Variants in ZNF521 observed in about 807,000 individuals in gnomAD.
ZNF521 encodes the protein LYST-interacting protein 3.
A neutral mutation model predicts 105.5 loss-of-function variants in ZNF521; 14 were observed. That is an observed-to-expected ratio of 0.13 (90% CI 0.09 to 0.21). ZNF521 has a LOEUF of 0.21. ZNF521 is among the 10% of genes least tolerant of loss of function. The pLI, the probability that ZNF521 is intolerant of heterozygous loss-of-function variation, is 1.00. For missense variants in ZNF521, 1,233 were observed against 1,629.7 expected, an observed-to-expected ratio of 0.76 and a Z score of 4.19; for synonymous variants, 635 against 606.0, an observed-to-expected ratio of 1.05 and a Z score of -0.70.
intron 3 of ZNF521, among the ~76,000 whole-genome samples, chr18:25,253,320 A>G (rs1356675001): frequency 6.6e-6 from 1 of 152,130 alleles, no homozygotes; most frequent in Non-Finnish European, 1.5e-5. Context: ...TGAAGTACAA[A>G]TCACTACGGT....
intron 2 of ZNF521, among the ~76,000 whole-genome samples, chr18:25,324,283 C>A (rs1913087934): frequency 6.6e-6 from 1 of 151,722 alleles, no homozygotes; most frequent in Non-Finnish European, 1.5e-5. Context: ...AGGAACAGAC[C>A]AGTTACCTGT....
At chr18:25,171,718 A>G (rs533500946) in intron 5 of ZNF521, among the ~76,000 whole-genome samples, 1 of 152,146 alleles carries the variant, frequency 6.6e-6, no homozygotes, top group Non-Finnish European at 1.5e-5. Flanking sequence ...AAATGGGGCA[A>G]CATAAGGCTC....
intron 3 of ZNF521, among the ~76,000 whole-genome samples, chr18:25,240,823 C>A (rs1907270039): frequency 6.6e-6 from 1 of 151,902 alleles, no homozygotes; most frequent in Non-Finnish European, 1.5e-5. Context: ...GGAAGCTGGT[C>A]TAAAAGACAG....
intron 5 of ZNF521, among the ~76,000 whole-genome samples, chr18:25,113,755 CGG>C: frequency 8.1e-6 from 1 of 122,842 alleles, no homozygotes; most frequent in Non-Finnish European, 1.7e-5. Flanking sequence ...GACCGAAGGA[CGG>C]ACGGACACAC....
Position 25,225,713 on chromosome 18 carries a change from G to A in ZNF521, c.2205C>T (p.Val735=). 6.2e-7 allele frequency: 1 copy of A among 1,614,212 alleles called. No individual in the cohort carries two copies. Among genetic ancestry groups the A allele is most frequent in the Non-Finnish European group, 8.5e-7 (1 of 1,180,040 alleles). ...TLCQEVFDSK[V]SIQLHLAVKH... ...TCACAGCCAAGTGGAGCTGAATGGA[G>A]ACTTTTGAGTCAAAAACTTCCTGGC... is the stretch of plus-strand genomic sequence containing the variant. The change falls in exon 4 of 8, where the codon GTC becomes GTT. Residue 735 remains valine (V), a synonymous_variant. Transcript: ENST00000361524. This position sits in a 1 kb window ranked among gnomAD's most constrained non-coding sequence, Gnocchi z 5.6.
chr18:25,126,157 A>G (rs1411236202), intron 5 of ZNF521, among the ~76,000 whole-genome samples: 2 of 152,110 alleles, frequency 1.3e-5, no homozygotes, highest in African/African-American at 4.8e-5. Flanking sequence ...ACATGGTAAT[A>G]CACGAGCAAT....
At chr18:25,156,449 G>T (rs186887990) in intron 5 of ZNF521, among the ~76,000 whole-genome samples, 17 of 152,208 alleles carry the variant, frequency 1.1e-4, no homozygotes, top group African/African-American at 4.1e-4. Context: ...ACGCTCATTC[G>T]TCTCTTCAAA....
chr18:25,089,860 C>T (rs1363738943), intron 6 of ZNF521, among the ~76,000 whole-genome samples: 1 of 152,144 alleles, frequency 6.6e-6, no homozygotes, highest in Non-Finnish European at 1.5e-5. Context: ...AAGCCGAAAA[C>T]TGTCAAATGC....
chr18:25,255,211 T>G (rs1034779684), intron 3 of ZNF521, among the ~76,000 whole-genome samples: 1 of 152,162 alleles, frequency 6.6e-6, no homozygotes, highest in Non-Finnish European at 1.5e-5. Context: ...ATCTGATCAT[T>G]ACACAAAACA....
chr18:25,256,811 A>G (rs1908544187), intron 3 of ZNF521, among the ~76,000 whole-genome samples: 1 of 152,042 alleles, frequency 6.6e-6, no homozygotes, highest in Admixed American at 6.6e-5. Flanking sequence ...AAGGAAAAAA[A>G]AAACATTAAA....
chr18:25,207,242 T>C (rs1198526914), intron 4 of ZNF521, among the ~76,000 whole-genome samples: 1 of 152,116 alleles, frequency 6.6e-6, no homozygotes, highest in African/African-American at 2.4e-5. Context: ...ACCTTGCCCA[T>C]GACTCACAGA....
At chr18:25,161,733 T>A (rs1369611724) in intron 5 of ZNF521, among the ~76,000 whole-genome samples, 1 of 152,188 alleles carries the variant, frequency 6.6e-6, no homozygotes, top group Non-Finnish European at 1.5e-5. Context: ...TCATTTGAGT[T>A]AATGCAAGAA....
At chr18:25,165,791 G>T (rs952634796) in intron 5 of ZNF521, among the ~76,000 whole-genome samples, 1 of 152,194 alleles carries the variant, frequency 6.6e-6, no homozygotes, top group Non-Finnish European at 1.5e-5. Flanking sequence ...TTTCCATATG[G>T]TTAATGAGCA....
chr18:25,076,635 C>G (rs2033368865), intron 7 of ZNF521, among the ~76,000 whole-genome samples: 2 of 152,092 alleles, frequency 1.3e-5, no homozygotes, highest in East Asian at 1.9e-4. Context: ...TTACAGGCAG[C>G]CTTTATTATA....
chr18:25,303,275 T>TGTGTGTGTGC (rs756421296), intron 3 of ZNF521, among the ~76,000 whole-genome samples: 9 of 100,970 alleles, frequency 8.9e-5, no homozygotes, highest in African/African-American at 4.2e-4. Flanking sequence ...TTCTTTCGTG[T>TGTGTGTGTGC]GTGTGTGTGT....
intron 5 of ZNF521, among the ~76,000 whole-genome samples, chr18:25,185,205 T>C (rs2035700249): frequency 6.6e-6 from 1 of 152,198 alleles, no homozygotes; most frequent in Non-Finnish European, 1.5e-5. Context: ...TACAGATTTA[T>C]AACATCTATA....
chr18:25,110,287 C>G (rs2034158533), intron 5 of ZNF521, among the ~76,000 whole-genome samples: 1 of 152,212 alleles, frequency 6.6e-6, no homozygotes, highest in Admixed American at 6.5e-5. Flanking sequence ...CAGCAGAATG[C>G]TATCAGCGGG....
chr18:25,133,529 T>C (rs780439753), intron 5 of ZNF521, among the ~76,000 whole-genome samples: 40 of 152,340 alleles, frequency 2.6e-4, no homozygotes, highest in Admixed American at 4.6e-4. Flanking sequence ...CATCTGATTA[T>C]AGACATATAA....
intron 5 of ZNF521, among the ~76,000 whole-genome samples, chr18:25,107,173 C>T (rs2034090103): frequency 1.3e-5 from 2 of 152,200 alleles, no homozygotes; most frequent in South Asian, 4.1e-4. Context: ...ATGGGAATAT[C>T]AAGTACCTAT....
Sources: gnomAD v4.1 joint callset for allele counts (sites outside exome capture counted in the v4.1 genomes callset) on GRCh38, gnomAD v4.1.1 for gene constraint, Gnocchi (gnomAD v3.1) non-coding constraint, MANE v1.5 for transcripts, NCBI Gene and HGNC (gene_info 2026-07-23, HGNC 2026-07-21) for gene names.